The following DGKB variants were observed in gnomAD, a reference collection of about 807,000 sequenced individuals.
The protein encoded by DGKB is diacylglycerol kinase beta, also known as 90 kDa diacylglycerol kinase.
A neutral mutation model predicts 114.3 loss-of-function variants in DGKB; 67 were observed. The ratio of observed to expected loss-of-function variants is 0.59; its 90% CI spans 0.48 to 0.72. DGKB has a LOEUF of 0.72. DGKB is among the 30% of genes least tolerant of loss of function. The probability of loss-of-function intolerance (pLI) is 0.00; values close to 1 mark genes in which losing one functional copy is unlikely to be tolerated. For missense variants in DGKB, 907 were observed against 975.2 expected, an observed-to-expected ratio of 0.93 and a Z score of 0.93; for synonymous variants, 398 against 323.1, an observed-to-expected ratio of 1.23 and a Z score of -2.49.
At chr7:14,679,733 T>C (rs1820506906) in intron 12 of DGKB, among the ~76,000 whole-genome samples, 2 of 151,986 alleles carry the variant, frequency 1.3e-5, no homozygotes, top group Non-Finnish European at 2.9e-5. Flanking sequence ...TTCAGTTGTT[T>C]AAAGGCAAGC....
chr7:14,593,525 C>T (rs1402745775), intron 17 of DGKB, among the ~76,000 whole-genome samples: 1 of 151,580 alleles, frequency 6.6e-6, no homozygotes, highest in Non-Finnish European at 1.5e-5. Flanking sequence ...AATATCCTTG[C>T]CATCATATAG....
At position 14,564,676 on chromosome 7, in the gene DGKB, C is replaced by A. The variant is rs555368524; in HGVS notation, c.1770+9536G>T. Among the ~76,000 whole-genome samples the A allele has an allele frequency of 2.0e-5, 3 of 152,200 alleles. No individual in the cohort carries two copies. The East Asian group carries it at 5.8e-4, about 29-fold the overall frequency. ...GTCTTTATAGATGCATCTTCACTGG[C>A]CCAATTTCTTCAGTTTTGTCCTGTT... On this transcript the variant is annotated intron_variant, in intron 20 of 25. Transcript: ENST00000402815.
At chr7:14,783,158 A>G (rs975844889) in intron 2 of DGKB, among the ~76,000 whole-genome samples, 1 of 152,216 alleles carries the variant, frequency 6.6e-6, no homozygotes, top group African/African-American at 2.4e-5. Context: ...AGTAATAAAC[A>G]TATAGTAACA....
chr7:14,965,202 G>T (rs2115285439), intron 1 of DGKB, among the ~76,000 whole-genome samples: 1 of 152,160 alleles, frequency 6.6e-6, no homozygotes, highest in South Asian at 2.1e-4. Flanking sequence ...AGGTTATATT[G>T]GTTTATACTT....
intron 23 of DGKB, among the ~76,000 whole-genome samples, chr7:14,291,246 G>A (rs1801723541): frequency 6.6e-6 from 1 of 151,940 alleles, no homozygotes; most frequent in Admixed American, 6.6e-5. Context: ...CAGATCCATG[G>A]TGCTACCATT....
chr7:14,600,585 T>G (rs1335098569), intron 17 of DGKB, among the ~76,000 whole-genome samples: 1 of 152,014 alleles, frequency 6.6e-6, no homozygotes, highest in African/African-American at 2.4e-5. Flanking sequence ...GCCTGTGAAA[T>G]CAAGCAAGTT....
intron 9 of DGKB, among the ~76,000 whole-genome samples, chr7:14,692,446 T>C (rs1422621107): frequency 1.3e-5 from 2 of 152,046 alleles, no homozygotes; most frequent in Non-Finnish European, 2.9e-5. Context: ...GGATAAAGTA[T>C]ACATTAAACC....
intron 23 of DGKB, among the ~76,000 whole-genome samples, chr7:14,315,082 TGA>T (rs1806213863): frequency 6.7e-6 from 1 of 150,350 alleles, no homozygotes; most frequent in African/African-American, 2.4e-5. Context: ...AAGCAAATGC[TGA>T]GAGATTTTGT....
intron 23 of DGKB, among the ~76,000 whole-genome samples, chr7:14,313,578 C>A (rs1382498590): frequency 2.0e-5 from 3 of 152,178 alleles, no homozygotes; most frequent in African/African-American, 7.2e-5. Flanking sequence ...TTCCGACGGG[C>A]TTAAAAAACA....
rs200127805 is a variant in DGKB at position 14,245,617 on chromosome 7, AT to A, written c.2123-67467del. On this transcript the variant is annotated intron_variant, in intron 23 of 25. Coordinates refer to ENST00000402815, the MANE Select transcript of DGKB (RefSeq NM_001350709.2). ...AAGTTTACCAAGAAAAATTATAATA[AT>A]TTTTTTTCCTCCATTTAACATGATT... is the stretch of plus-strand genomic sequence containing the variant. 4.1e-3 allele frequency among the ~76,000 whole-genome samples: 630 copies of A among 152,004 alleles called. 5 individuals are homozygous for A. Among genetic ancestry groups the A allele is most frequent in the East Asian group, 0.013 (67 of 5,158 alleles).
intron 23 of DGKB, among the ~76,000 whole-genome samples, chr7:14,248,997 C>T (rs10950514): frequency 0.24 from 36,039 of 151,970 alleles, 4,480 homozygotes; most frequent in East Asian, 0.35. Context: ...GCGTTTATTA[C>T]GTTAATGAAT....
At chr7:14,973,804 G>A (rs1587487196) in intron 1 of DGKB, among the ~76,000 whole-genome samples, 1 of 147,520 alleles carries the variant, frequency 6.8e-6, no homozygotes. Flanking sequence ...TTAAATTTCA[G>A]ATAGGTTGTG....
chr7:14,875,664 G>A (rs6975734), intron 1 of DGKB, among the ~76,000 whole-genome samples: 138,442 of 151,958 alleles, frequency 0.91, 63,529 homozygotes, highest in Non-Finnish European at 0.96. Flanking sequence ...AACACTTTGC[G>A]TATTTGTGTG....
intron 21 of DGKB, among the ~76,000 whole-genome samples, chr7:14,411,021 A>T (rs1824782930): frequency 6.6e-6 from 1 of 152,180 alleles, no homozygotes; most frequent in South Asian, 2.1e-4. Context: ...CTCCCGGGTT[A>T]GTGATATGCA....
At chr7:14,480,915 A>T (rs1333036890) in intron 20 of DGKB, among the ~76,000 whole-genome samples, 1 of 152,086 alleles carries the variant, frequency 6.6e-6, no homozygotes, top group Non-Finnish European at 1.5e-5. Flanking sequence ...AAGTTAAATG[A>T]GAATGCTAAA....
intron 20 of DGKB, among the ~76,000 whole-genome samples, chr7:14,493,931 C>T (rs972712536): frequency 1.3e-5 from 2 of 148,358 alleles, no homozygotes; most frequent in Non-Finnish European, 3.0e-5. Flanking sequence ...ATCATACACA[C>T]ACACACACAC....
intron 1 of DGKB, among the ~76,000 whole-genome samples, chr7:14,846,076 T>G (rs1447520709): frequency 6.6e-6 from 1 of 152,224 alleles, no homozygotes; most frequent in African/African-American, 2.4e-5. Context: ...TGATTTAGCA[T>G]GACCTGGTCA....
intron 1 of DGKB, among the ~76,000 whole-genome samples, chr7:14,845,381 A>G (rs779756593): frequency 4.6e-5 from 7 of 152,140 alleles, no homozygotes; most frequent in Non-Finnish European, 7.4e-5. Context: ...ATTATTTAAC[A>G]TTTGTCTCCA....
intron 23 of DGKB, among the ~76,000 whole-genome samples, chr7:14,300,468 G>A (rs919596356): frequency 1.3e-5 from 2 of 152,060 alleles, no homozygotes; most frequent in East Asian, 1.9e-4. Context: ...AAATCACCCA[G>A]TGTATCACTT....
Sources: gnomAD v4.1 joint callset for allele counts (sites outside exome capture counted in the v4.1 genomes callset) on GRCh38, gnomAD v4.1.1 for gene constraint, MANE v1.5 for transcripts, NCBI Gene and HGNC (gene_info 2026-07-23, HGNC 2026-07-21) for gene names.